The following FOLH1 variants were observed in gnomAD, a reference collection of about 807,000 sequenced individuals.
FOLH1 encodes the protein folate hydrolase 1.
FOLH1 carries 54 observed loss-of-function variants against 93.9 expected under a neutral mutation model. The ratio of observed to expected loss-of-function variants is 0.57; its 90% confidence interval spans 0.46 to 0.72. The LOEUF (loss-of-function observed/expected upper bound fraction) is 0.72. FOLH1 is among the 30% of genes least tolerant of loss of function. The pLI, the probability that FOLH1 is intolerant of heterozygous loss-of-function variation, is 0.00. For synonymous variants in FOLH1, 249 were observed against 303.6 expected (o/e 0.82, Z 1.87); for missense variants, 571 against 892.5 (o/e 0.64, Z 4.59).
Position 49,191,545 on chromosome 11 carries a change from T to TA in FOLH1, c.513+1247dup, listed in dbSNP as rs753030849. Among the ~76,000 whole-genome samples the TA allele has an allele frequency of 1.2e-4, 19 of 152,348 alleles. No individual in the cohort carries two copies. The East Asian group carries it at 2.5e-3, about 20-fold the overall frequency. On this transcript the variant is annotated intron_variant, in intron 4 of 18. Coordinates refer to ENST00000256999, the MANE Select transcript of FOLH1 (RefSeq NM_004476.3). ...GACAACGGTCTTTATAACTCTTTCTTACGATTAATAGTAATGTCAAAGTCC... is the reference window on the plus strand; with the variant it reads ...GACAACGGTCTTTATAACTCTTTCTTAACGATTAATAGTAATGTCAAAGTCC...
chr11:49,186,809 A>G (rs1861436254), intron 4 of FOLH1, 40 bp from the exon 5 acceptor site: 2 of 1,543,098 alleles, frequency 1.3e-6, no homozygotes, highest in Admixed American at 2.0e-5. Flanking sequence ...GTCAGATATA[A>G]AACAAGGAGG....
intron 2 of FOLH1, among the ~76,000 whole-genome samples, 180 bp downstream of exon 2, chr11:49,205,887 T>G (rs1296894593): frequency 1.3e-5 from 2 of 152,180 alleles, no homozygotes; most frequent in African/African-American, 2.4e-5. Context: ...GCTCTAAACC[T>G]CTGTAATGAC....
intron 15 of FOLH1, 125 bp from the exon 16 acceptor site, chr11:49,154,617 C>T: frequency 2.7e-6 from 4 of 1,468,026 alleles, no homozygotes; most frequent in South Asian, 2.9e-5. Flanking sequence ...TTAAGCATCT[C>T]AATAAGCTAC....
rs139621327 is a variant in FOLH1, at chr11:49,200,362, C to A, written c.304G>T (p.Glu102Ter). ...AGCTCAACAGAATCCAGGCCAAATT[C>A]TTTCCACTGGGATTGAATTTGCTTT... ...LAKQIQSQWK[E>*]FGLDSVELAH... The change falls in exon 3 of 19, where the codon GAA becomes TAA. Residue 102 changes from glutamate to a stop codon, truncating the protein, a stop_gained. Coordinates refer to ENST00000256999, the MANE Select transcript of FOLH1 (RefSeq NM_004476.3). LOFTEE classifies it high-confidence loss of function. 1 of 1,613,586 alleles carries A rather than the reference C, an allele frequency of 6.2e-7. No homozygotes were observed. The highest frequency in any genetic ancestry group is 1.3e-5 in the African/African-American group (1 of 75,012).
intron 10 of FOLH1, among the ~76,000 whole-genome samples, chr11:49,172,684 G>A (rs1290054138): frequency 6.6e-6 from 1 of 152,122 alleles, no homozygotes; most frequent in Non-Finnish European, 1.5e-5. Context: ...TACAGCCCCA[G>A]ACACCTTGTT....
At chr11:49,167,615 G>A (rs2299645) in intron 12 of FOLH1, among the ~76,000 whole-genome samples, 78,652 of 151,790 alleles carry the variant, frequency 0.52, 21,815 homozygotes, top group Admixed American at 0.62. Context: ...AGGAGTTTGA[G>A]ACCAACCTGG....
intron 17 of FOLH1, among the ~76,000 whole-genome samples, chr11:49,152,967 T>C (rs1856641706): frequency 6.6e-6 from 1 of 152,132 alleles, no homozygotes; most frequent in South Asian, 2.1e-4. Context: ...GGTTGAGTAA[T>C]CTTTCCCCAT....
intron 1 of FOLH1, chr11:49,206,944 C>A (rs1008656175): frequency 1.5e-6 from 1 of 647,792 alleles, no homozygotes; most frequent in African/African-American, 1.8e-5. Flanking sequence ...AAAGTAGTTA[C>A]AAAATTAGTC....
chr11:49,167,819 C>A (rs1273727821), intron 12 of FOLH1, among the ~76,000 whole-genome samples: 1 of 150,068 alleles, frequency 6.7e-6, no homozygotes, highest in African/African-American at 2.4e-5. Flanking sequence ...TCAAAACAAA[C>A]AAGCAGACAA....
Position 49,171,278 on chromosome 11 carries a change from C to A in FOLH1, c.1226-1G>T, listed in dbSNP as rs1249865149. On this transcript the variant is annotated splice_acceptor_variant, in intron 10 of 18. Coordinates refer to ENST00000256999, the MANE Select transcript of FOLH1 (RefSeq NM_004476.3). LOFTEE classifies it high-confidence loss of function. ...AAAATTGTTCTTCTAGGTCTCCACCCTAAAATGTATGTGTATATATAAATG... is the reference window on the plus strand; with the variant it reads ...AAAATTGTTCTTCTAGGTCTCCACCATAAAATGTATGTGTATATATAAATG... 6.4e-7 allele frequency: 1 copy of A among 1,570,066 alleles called. No homozygotes were observed. Among genetic ancestry groups the A allele is most frequent in the Admixed American group, 1.9e-5 (1 of 53,222 alleles).
At chr11:49,165,465 A>G (rs759275712) in intron 12 of FOLH1, among the ~76,000 whole-genome samples, 5 of 152,190 alleles carry the variant, frequency 3.3e-5, no homozygotes, top group Non-Finnish European at 5.9e-5. Flanking sequence ...TGTGACAATC[A>G]AGTGAAGCAC....
intron 2 of FOLH1, among the ~76,000 whole-genome samples, chr11:49,204,428 G>A (rs1863631436): frequency 6.6e-6 from 1 of 152,166 alleles, no homozygotes. Flanking sequence ...CTGATAACTT[G>A]GAGTAACTTG....
rs1473201010 is a variant in FOLH1 at position 49,145,431 on chromosome 11, G to A, written c.*1325C>T. Among the ~76,000 whole-genome samples the A allele has an allele frequency of 6.6e-6, 1 of 152,128 alleles. No homozygotes were observed. The highest frequency in any genetic ancestry group is 2.4e-5 in the African/African-American group (1 of 41,438). On this transcript the variant is annotated 3_prime_UTR_variant, in exon 19 of 19. Transcript: ENST00000256999. ...TGGCACCCACTTCCTGAAGTTCATG[G>A]TGGCCAGGAGAACCCAGCGGCCAAG...
intron 6 of FOLH1, among the ~76,000 whole-genome samples, chr11:49,183,819 C>T (rs1393889375): frequency 5.9e-5 from 9 of 151,820 alleles, no homozygotes; most frequent in African/African-American, 1.5e-4. Flanking sequence ...AACGAATACA[C>T]GATGCTAGAT....
At chr11:49,148,963 G>A (rs1856112940) in intron 17 of FOLH1, among the ~76,000 whole-genome samples, 1 of 152,024 alleles carries the variant, frequency 6.6e-6, no homozygotes, top group South Asian at 2.1e-4. Context: ...TAAGTTCGAG[G>A]GTACATGTGC....
At chr11:49,160,153 G>T (rs1322843462) in intron 13 of FOLH1, among the ~76,000 whole-genome samples, 10 of 152,190 alleles carry the variant, frequency 6.6e-5, no homozygotes, top group African/African-American at 2.4e-4. Flanking sequence ...TTGTATTTCT[G>T]TGGGGTCAGT....
In FOLH1 at chr11:49,201,255, G is replaced by GATATATATAT. The variant is rs35326986; in HGVS notation, c.225-824_225-815dup. Among the ~76,000 whole-genome samples, 745 of 139,824 alleles carry GATATATATAT rather than the reference G, an allele frequency of 5.3e-3. 8 individuals carry two copies. Among genetic ancestry groups the GATATATATAT allele is most frequent in the African/African-American group, 0.018 (701 of 38,354 alleles). 91.7% of individuals were successfully genotyped at this position (139,824 alleles called of 152,430 possible). ...GACAAGATATTATGTAGCATGAAAA[G>GATATATATAT]ATATATATATATATATATATATAGT... On this transcript the variant is annotated intron_variant, in intron 2 of 18. Transcript: ENST00000256999.
intron 11 of FOLH1, among the ~76,000 whole-genome samples, chr11:49,170,332 C>T (rs141113789): frequency 0.01 from 1,554 of 152,208 alleles, 23 homozygotes; most frequent in African/African-American, 0.035. Flanking sequence ...GTATACCTTA[C>T]GGCCAGGCAT....
chr11:49,163,303 C>G (rs966069545), intron 13 of FOLH1, among the ~76,000 whole-genome samples: 1 of 151,966 alleles, frequency 6.6e-6, no homozygotes, highest in African/African-American at 2.4e-5. Flanking sequence ...AGTTGGGAGG[C>G]TCCACCCATT....
Sources: allele counts gnomAD v4.1 joint callset (sites outside exome capture counted in the v4.1 genomes callset), GRCh38; gene constraint gnomAD v4.1.1; transcripts MANE v1.5; gene names NCBI Gene and HGNC (gene_info 2026-07-23, HGNC 2026-07-21).